The following MTDH variants were observed in gnomAD, a reference collection of about 807,000 sequenced individuals.
MTDH encodes the protein protein LYRIC.
MTDH carries 34 observed loss-of-function variants against 72.7 expected under a neutral mutation model. The ratio of observed to expected loss-of-function variants is 0.47; its 90% CI spans 0.36 to 0.62. The LOEUF (loss-of-function observed/expected upper bound fraction) is 0.62, where lower values mean the gene tolerates loss of function less well. Among genes scored for constraint, MTDH ranks in the 20% least tolerant of loss-of-function variants. The pLI is 0.00. For synonymous variants in MTDH, 266 were observed against 268.9 expected (o/e 0.99, Z 0.10); for missense variants, 677 against 699.4 (o/e 0.97, Z 0.36).
intron 6 of MTDH, among the ~76,000 whole-genome samples, chr8:97,695,123 C>CT (rs1813780356): frequency 1.1e-5 from 1 of 89,544 alleles, no homozygotes; most frequent in Non-Finnish European, 2.4e-5. Context: ...TTTTTTTTTT[C>CT]TTTAAGATGG....
At chr8:97,670,952 G>GTTTTTTTTTTT (rs1160758851) in intron 2 of MTDH, among the ~76,000 whole-genome samples, 2 of 77,976 alleles carry the variant, frequency 2.6e-5, no homozygotes, top group Non-Finnish European at 4.7e-5. Context: ...TGTTGTTGTT[G>GTTTTTTTTTTT]TTTTTTTTTT....
chr8:97,726,130 A>C lies in MTDH; in HGVS notation c.*1460A>C, dbSNP rs1815343037. The C allele has an allele frequency of 1.3e-5, 2 of 152,662 alleles. No homozygotes were observed. The highest frequency in any genetic ancestry group is 4.8e-5 in the African/African-American group (2 of 41,462). 9.5% of individuals were successfully genotyped at this position (152,662 alleles called of 1,614,324 possible). A position where few individuals can be genotyped will look rare whatever the true frequency, so the allele number is the denominator to read the frequency against. On this transcript the variant is annotated 3_prime_UTR_variant, in exon 12 of 12. Transcript: ENST00000336273. ...TCAGACTAGGAAAGCTAAACGAACA[A>C]AATGGTTTTAGTTTTGCTGAAGACT... is the stretch of plus-strand genomic sequence containing the variant.
In MTDH at chr8:97,682,247, TATATATATA is replaced by T. The variant is rs1813132085; in HGVS notation, c.484-4420_484-4412del. 4.4e-4 allele frequency among the ~76,000 whole-genome samples: 3 copies of T among 6,764 alleles called. No individual in the cohort carries two copies. In the East Asian group the frequency reaches 8.5e-3, roughly 19 times the overall value. 4.4% of individuals were successfully genotyped at this position (6,764 alleles called of 152,430 possible). Reference sequence around the variant, plus strand: ...TAATTACTTTATATATATATATATATATATATATATATATATATATATATATATATATAT... The same window carrying T: ...TAATTACTTTATATATATATATATATTATATATATATATATATATATATAT... On this transcript the variant is annotated intron_variant, in intron 2 of 11. Coordinates refer to ENST00000336273, the MANE Select transcript of MTDH (RefSeq NM_178812.4).
intron 6 of MTDH, among the ~76,000 whole-genome samples, chr8:97,692,943 A>C (rs1397030421): frequency 6.6e-6 from 1 of 151,972 alleles, no homozygotes; most frequent in Admixed American, 6.6e-5. Flanking sequence ...TGTTGGCCAC[A>C]CTGGTCTAGA....
chr8:97,651,814 C>CA (rs1811783241), intron 1 of MTDH, among the ~76,000 whole-genome samples: 1 of 152,088 alleles, frequency 6.6e-6, no homozygotes, highest in Non-Finnish European at 1.5e-5. Context: ...AAAATTATCT[C>CA]AAACTTTTAA....
intron 4 of MTDH, 52 bp from the exon 5 acceptor site, chr8:97,688,986 G>A: frequency 2.4e-6 from 2 of 848,972 alleles, no homozygotes; most frequent in Middle Eastern, 3.7e-4. Flanking sequence ...CTAATTTAAT[G>A]TGCATAGTGC....
intron 9 of MTDH, among the ~76,000 whole-genome samples, chr8:97,715,812 T>A (rs1814845037): frequency 6.6e-6 from 1 of 152,224 alleles, no homozygotes; most frequent in Admixed American, 6.5e-5. Flanking sequence ...TTAAAATAAA[T>A]TTTGTAGGAT....
intron 10 of MTDH, 114 bp from the exon 11 acceptor site, chr8:97,722,765 G>A: frequency 1.9e-6 from 2 of 1,029,078 alleles, no homozygotes; most frequent in Non-Finnish European, 2.8e-6. Flanking sequence ...TTGTTTATCT[G>A]GAAACCATAT....
At chr8:97,654,383 G>A (rs535569361) in intron 1 of MTDH, among the ~76,000 whole-genome samples, 3 of 152,216 alleles carry the variant, frequency 2.0e-5, no homozygotes, top group African/African-American at 2.4e-5. Flanking sequence ...GTGTAAGAAC[G>A]TTTCAGAACT....
At chr8:97,699,897 C>T (rs754323894) in intron 7 of MTDH, 45 bp downstream of exon 7, 2 of 1,232,278 alleles carry the variant, frequency 1.6e-6, no homozygotes, top group Non-Finnish European at 2.4e-6. Flanking sequence ...TCAGAGTTTT[C>T]TTTCTAGCAC....
chr8:97,686,692 A>G lies in MTDH; in HGVS notation c.508A>G (p.Lys170Glu). ...GTCAAAGAAAAATAAGAAGAAATCAAAGTCAGATGCTAAAGCAGTGCAAAA... is the reference window on the plus strand; with the variant it reads ...GTCAAAGAAAAATAAGAAGAAATCAGAGTCAGATGCTAAAGCAGTGCAAAA... ...EKSKKNKKKS[K>E]SDAKAVQNSS... Residue 170 changes from lysine (K) to glutamate (E), a missense_variant, in exon 3 of 12, where the codon AAG (lysine) becomes GAG (glutamate). Physicochemically the swap from Lys to Glu is moderately conservative, Grantham distance 56. This residue lies in a region of MTDH where 467 missense variants were observed against 469.1 expected (regional missense o/e 1.00). Transcript: ENST00000336273. 1 of 1,579,630 alleles carries G rather than the reference A, an allele frequency of 6.3e-7. No homozygotes were observed. Among genetic ancestry groups the G allele is most frequent in the South Asian group, 1.2e-5 (1 of 83,364 alleles).
In MTDH at chr8:97,677,052, G is replaced by A. The variant is rs185761511; in HGVS notation, c.484-9616G>A. Among the ~76,000 whole-genome samples the A allele has an allele frequency of 3.8e-3, 519 of 137,046 alleles. 6 individuals are homozygous for A. The highest frequency in any genetic ancestry group is 4.2e-3 in the Admixed American group (55 of 13,032). 89.9% of individuals were successfully genotyped at this position (137,046 alleles called of 152,430 possible). A position where few individuals can be genotyped will look rare whatever the true frequency, so the allele number is the denominator to read the frequency against. ...ACAAAAATTAGCCAGGCATGATGAC[G>A]CATGCCTATAGTCCCAGCTACGTGG... On this transcript the variant is annotated intron_variant, in intron 2 of 11. Transcript: ENST00000336273.
Position 97,725,061 on chromosome 8 carries a change from TGCA to T in MTDH, c.*392_*394del, listed in dbSNP as rs1453937691. 1 of 156,654 alleles carries T rather than the reference TGCA, an allele frequency of 6.4e-6. No homozygotes were observed. The highest frequency in any genetic ancestry group is 1.9e-4 in the East Asian group (1 of 5,320). The allele number at this position is 156,654 out of a possible 1,614,324, so 9.7% of individuals were successfully genotyped here. A position where few individuals can be genotyped will look rare whatever the true frequency, so the allele number is the denominator to read the frequency against. ...TTAGTAAGCAATTCCTTGGATCTTA[TGCA>T]CAGAACTTGTACCATTTGAATCTGT... On this transcript the variant is annotated 3_prime_UTR_variant, in exon 12 of 12. Transcript: ENST00000336273.
rs1814353742 is a variant in MTDH at position 97,706,425 on chromosome 8, T to G, written c.1148-201T>G. The G allele has an allele frequency of 1.2e-5, 4 of 334,670 alleles. No individual in the cohort carries two copies. The East Asian group carries it at 1.5e-4, about 13-fold the overall frequency. The allele number at this position is 334,670 out of a possible 1,614,324, so 20.7% of individuals were successfully genotyped here. A position where few individuals can be genotyped will look rare whatever the true frequency, so the allele number is the denominator to read the frequency against. On this transcript the variant is annotated intron_variant, in intron 7 of 11. Transcript: ENST00000336273. ...TTCTGGAATTTCTTAGAAATTCCATTTAACCATATGATATGCTTAGCAGAA... is the reference window on the plus strand; with the variant it reads ...TTCTGGAATTTCTTAGAAATTCCATGTAACCATATGATATGCTTAGCAGAA...
intron 1 of MTDH, among the ~76,000 whole-genome samples, chr8:97,659,877 G>T (rs762606529): frequency 2.0e-5 from 3 of 152,192 alleles, no homozygotes; most frequent in African/African-American, 4.8e-5. Flanking sequence ...GTAAAAAAGA[G>T]GCTGGGCACG....
At position 97,727,506 on chromosome 8, in the gene MTDH, A is replaced by AAAAAAAAAG. The variant is rs1815402764; in HGVS notation, c.*2836_*2837insAAAAAAAAG. 3 of 151,894 alleles carry AAAAAAAAAG rather than the reference A, an allele frequency of 2.0e-5. No homozygotes were observed. The highest frequency in any genetic ancestry group is 2.9e-5 in the Non-Finnish European group (2 of 67,976). 9.4% of individuals were successfully genotyped at this position (151,894 alleles called of 1,614,324 possible). ...CGAGACTCAATCTCAAAAAAAAAAA[A>AAAAAAAAAG]GTTTCTGGCACCTGAACAGGAACTG... is the stretch of plus-strand genomic sequence containing the variant. On this transcript the variant is annotated 3_prime_UTR_variant, in exon 12 of 12. Transcript: ENST00000336273.
rs1303403253 is a variant in MTDH at position 97,728,077 on chromosome 8, CTATT to C, written c.*3408_*3411del. The C allele has an allele frequency of 3.3e-5, 5 of 152,036 alleles. No individual in the cohort carries two copies. The highest frequency in any genetic ancestry group is 1.2e-4 in the African/African-American group (5 of 41,398). 9.4% of individuals were successfully genotyped at this position (152,036 alleles called of 1,614,324 possible). A position where few individuals can be genotyped will look rare whatever the true frequency, so the allele number is the denominator to read the frequency against. On this transcript the variant is annotated 3_prime_UTR_variant, in exon 12 of 12. Transcript: ENST00000336273. ...GTTTTTCTTAATTAAAAACAGTCCTCTATTAATATAGTGTGAAATATCTTTCAAA... is the reference window on the plus strand; with the variant it reads ...GTTTTTCTTAATTAAAAACAGTCCTCAATATAGTGTGAAATATCTTTCAAA...
chr8:97,681,891 G>A (rs113222368), intron 2 of MTDH, among the ~76,000 whole-genome samples: 51 of 151,988 alleles, frequency 3.4e-4, no homozygotes, highest in African/African-American at 1.4e-4. Flanking sequence ...ATGTATACTC[G>A]GCTCCTAAAA....
chr8:97,687,489 T>C lies in MTDH; in HGVS notation c.629T>C (p.Val210Ala), dbSNP rs1451432226. The C allele has an allele frequency of 6.2e-7, 1 of 1,613,504 alleles. No individual in the cohort carries two copies. The highest frequency in any genetic ancestry group is 1.3e-5 in the African/African-American group (1 of 74,894). The change falls in exon 4 of 12, where the codon GTG (valine) becomes GCG (alanine). Residue 210 changes from valine to alanine, a missense_variant. Val to Ala is a moderately conservative substitution (Grantham distance 64, BLOSUM62 0). Coordinates refer to ENST00000336273, the MANE Select transcript of MTDH (RefSeq NM_178812.4). ...EKRQQRKRDK[V>A]LTDSGSLDST... ...CGACAGCAGCGTAAACGTGATAAGG[T>C]GCTGACTGATTCTGGTTCATTGGAT...
Sources: gnomAD v4.1 joint callset for allele counts (sites outside exome capture counted in the v4.1 genomes callset) on GRCh38, gnomAD v4.1.1 for gene constraint, gnomAD v4.1.1 regional missense constraint, MANE v1.5 for transcripts, NCBI Gene and HGNC (gene_info 2026-07-23, HGNC 2026-07-21) for gene names.